Variants in ZBTB7C observed in about 807,000 individuals in gnomAD.
ZBTB7C encodes zinc finger and BTB domain containing 7C, also known as zinc finger and BTB domain-containing protein 7C.
In ZBTB7C, 8 loss-of-function variants were observed where a neutral mutation model predicts 25.7. That is an observed-to-expected ratio of 0.31 (90% CI 0.18 to 0.56). The LOEUF is 0.56. Among genes scored for constraint, ZBTB7C ranks in the 20% least tolerant of loss-of-function variants. The probability of loss-of-function intolerance (pLI) is 0.91; values close to 1 mark genes in which losing one functional copy is unlikely to be tolerated. For missense variants in ZBTB7C, 824 were observed against 855.2 expected (o/e 0.96, Z 0.46); for synonymous variants, 394 against 369.0 (o/e 1.07, Z -0.78).
intron 2 of ZBTB7C, among the ~76,000 whole-genome samples, chr18:48,231,809 G>A (rs759106322): frequency 2.0e-5 from 3 of 152,226 alleles, no homozygotes; most frequent in Admixed American, 6.5e-5. Flanking sequence ...AGCCAGGGCT[G>A]TGACACCCTC....
At chr18:48,217,213 G>A (rs73955346) in intron 2 of ZBTB7C, among the ~76,000 whole-genome samples, 10,457 of 152,230 alleles carry the variant, frequency 0.069, 432 homozygotes, top group Middle Eastern at 0.15. Flanking sequence ...CTCAGTATGT[G>A]TGATTTGCTA....
chr18:48,367,202 TACACACACACAC>T (rs1180190109), intron 1 of ZBTB7C, among the ~76,000 whole-genome samples: 7 of 63,392 alleles, frequency 1.1e-4, no homozygotes, highest in South Asian at 5.4e-4. Context: ...TATATATATA[TACACACACACAC>T]ACACACACAC....
intron 1 of ZBTB7C, among the ~76,000 whole-genome samples, chr18:48,354,614 A>C (rs954155839): frequency 2.0e-5 from 3 of 152,130 alleles, no homozygotes; most frequent in African/African-American, 7.2e-5. Context: ...TTCTCTATTC[A>C]TGTGGTTTTC....
At chr18:48,362,188 G>C (rs2047121986) in intron 1 of ZBTB7C, among the ~76,000 whole-genome samples, 1 of 152,208 alleles carries the variant, frequency 6.6e-6, no homozygotes. Flanking sequence ...GCTATCTCAG[G>C]TCCCTTTCAG....
intron 3 of ZBTB7C, among the ~76,000 whole-genome samples, chr18:48,111,119 T>G (rs2039222799): frequency 6.6e-6 from 1 of 152,096 alleles, no homozygotes; most frequent in South Asian, 2.1e-4. Flanking sequence ...GAGAAGACTC[T>G]TCCCAATTTG....
intron 3 of ZBTB7C, chr18:48,149,202 A>G (rs2040596822): frequency 7.1e-6 from 1 of 140,120 alleles, no homozygotes; most frequent in African/African-American, 2.7e-5. Flanking sequence ...GTGTGTGTGC[A>G]CGCGTGTGTG....
intron 3 of ZBTB7C, among the ~76,000 whole-genome samples, chr18:48,130,140 C>T (rs767102881): frequency 4.5e-4 from 68 of 152,174 alleles, no homozygotes; most frequent in Non-Finnish European, 9.3e-4. Context: ...TCCTTCATCC[C>T]AATCAAGGAG....
chr18:48,138,915 C>T (rs1012976655), intron 3 of ZBTB7C, among the ~76,000 whole-genome samples: 66 of 152,216 alleles, frequency 4.3e-4, no homozygotes, highest in Admixed American at 3.8e-3. Context: ...TTTGCCTCAG[C>T]GGCCTGGGTG....
chr18:48,154,512 G>A (rs2040774809), intron 3 of ZBTB7C, among the ~76,000 whole-genome samples: 1 of 152,228 alleles, frequency 6.6e-6, no homozygotes, highest in African/African-American at 2.4e-5. Flanking sequence ...TCCAAAATCT[G>A]CCCTGTTCAA....
chr18:48,245,494 CA>C (rs5824738), intron 2 of ZBTB7C, among the ~76,000 whole-genome samples: 19 of 132,872 alleles, frequency 1.4e-4, no homozygotes, highest in African/African-American at 1.4e-4. Context: ...ATCAAGACAC[CA>C]AAAAAAAAAA....
intron 3 of ZBTB7C, among the ~76,000 whole-genome samples, chr18:48,151,399 G>T (rs1436982578): frequency 1.3e-5 from 2 of 152,112 alleles, no homozygotes; most frequent in African/African-American, 4.8e-5. Flanking sequence ...AGGATGAAAG[G>T]GGGTATGAAC....
At chr18:48,088,027 A>AC (rs2038261650) in intron 3 of ZBTB7C, among the ~76,000 whole-genome samples, 2 of 152,240 alleles carry the variant, frequency 1.3e-5, no homozygotes, top group South Asian at 4.1e-4. Context: ...TCAGCATCAC[A>AC]CTAACACCCC....
chr18:48,101,324 C>A (rs966390861), intron 3 of ZBTB7C, among the ~76,000 whole-genome samples: 1 of 152,140 alleles, frequency 6.6e-6, no homozygotes, highest in South Asian at 2.1e-4. Context: ...GTGAGCCACA[C>A]GCATAATTGT....
chr18:48,248,977 CA>C (rs1275846522), intron 2 of ZBTB7C, among the ~76,000 whole-genome samples: 5 of 152,020 alleles, frequency 3.3e-5, no homozygotes, highest in African/African-American at 4.8e-5. Context: ...CCATAACAAA[CA>C]GATAATTCAC....
intron 1 of ZBTB7C, among the ~76,000 whole-genome samples, chr18:48,360,817 T>C (rs1311881901): frequency 6.6e-6 from 1 of 152,052 alleles, no homozygotes; most frequent in African/African-American, 2.4e-5. Flanking sequence ...GTAGATAAGA[T>C]GCAGCAGCTG....
intron 3 of ZBTB7C, among the ~76,000 whole-genome samples, chr18:48,126,686 G>T (rs1240673108): frequency 1.3e-5 from 2 of 152,166 alleles, no homozygotes; most frequent in African/African-American, 4.8e-5. Flanking sequence ...CTGAGGAGAG[G>T]TGTGTGCTGG....
At chr18:48,186,094 G>A (rs1458950891) in intron 2 of ZBTB7C, 99 bp from the exon 3 acceptor site, 1 of 152,550 alleles carries the variant, frequency 6.6e-6, no homozygotes, top group African/African-American at 2.4e-5. Context: ...CCTTCTCTGT[G>A]TTCTCACTCC....
intron 4 of ZBTB7C, among the ~76,000 whole-genome samples, chr18:48,036,606 T>A (rs1472332811): frequency 2.0e-5 from 3 of 152,080 alleles, no homozygotes; most frequent in Non-Finnish European, 4.4e-5. Context: ...GAAATGGAAA[T>A]CATGTCCGAG....
chr18:48,372,431 C>A lies in ZBTB7C; in HGVS notation c.-303-34033G>T, dbSNP rs116382772. On this transcript the variant is annotated intron_variant, in intron 1 of 4. Coordinates refer to ENST00000590800, the MANE Select transcript of ZBTB7C (RefSeq NM_001318841.2). ...CTGGCCAATAGGCTATGAGTGGAAC[C>A]GTGTCACTTCCGCGCTGAGGGAGTT... Among the ~76,000 whole-genome samples, 122 of 152,348 alleles carry A rather than the reference C, an allele frequency of 8.0e-4. 1 individual carries two copies. Among genetic ancestry groups the A allele is most frequent in the African/African-American group, 2.9e-3 (120 of 41,580 alleles).
Sources: gnomAD v4.1 joint callset for allele counts (sites outside exome capture counted in the v4.1 genomes callset) on GRCh38, gnomAD v4.1.1 for gene constraint, MANE v1.5 for transcripts, NCBI Gene and HGNC (gene_info 2026-07-23, HGNC 2026-07-21) for gene names.